MAPK8IP3: variants seen among roughly 807,000 people sequenced by gnomAD.
MAPK8IP3 encodes the protein C-Jun-amino-terminal kinase-interacting protein 3.
In MAPK8IP3, 49 loss-of-function variants were observed where a neutral mutation model predicts 157.8. The ratio of observed to expected loss-of-function variants is 0.31; its 90% CI spans 0.25 to 0.39. The LOEUF is 0.39. MAPK8IP3 is among the 10% of genes least tolerant of loss of function. MAPK8IP3 has a pLI of 1.00. For missense variants in MAPK8IP3, 1,478 were observed against 1,889.4 expected, an observed-to-expected ratio of 0.78 and a Z score of 4.04; for synonymous variants, 897 against 777.7, an observed-to-expected ratio of 1.15 and a Z score of -2.55.
chr16:1,768,290 C>T lies in MAPK8IP3; in HGVS notation c.3654C>T (p.Ser1218=). The T allele has an allele frequency of 6.2e-7, 1 of 1,611,046 alleles. No homozygotes were observed. The highest frequency in any genetic ancestry group is 8.5e-7 in the Non-Finnish European group (1 of 1,179,998). The change falls in exon 30 of 32, where the codon AGC becomes AGT. Residue 1218 remains serine (S), a synonymous_variant. Coordinates refer to ENST00000610761, the MANE Select transcript of MAPK8IP3 (RefSeq NM_001318852.2). ...ATGACAGCAGTGACAGGGCGGCCAGCAGCTTCATCCCCTACTGCTCCATGG... is the reference window on the plus strand; with the variant it reads ...ATGACAGCAGTGACAGGGCGGCCAGTAGCTTCATCCCCTACTGCTCCATGG... ...YGDDSSDRAA[S]SFIPYCSMAQ... is the part of the protein sequence containing the mutation.
At position 1,740,286 on chromosome 16, in the gene MAPK8IP3, G is replaced by A. The variant is rs544168305; in HGVS notation, c.603-3046G>A. ...TGTGTGACCGTCCGTGTGAGTGTCC[G>A]CATAACCGTGTGAGCATCCGTGTGA... On this transcript the variant is annotated intron_variant, in intron 4 of 31. Transcript: ENST00000610761. Among the ~76,000 whole-genome samples the A allele has an allele frequency of 2.2e-3, 328 of 148,352 alleles. 1 individual carries two copies. Among genetic ancestry groups the A allele is most frequent in the African/African-American group, 7.8e-3 (313 of 40,012 alleles).
chr16:1,767,359 C>T (rs773072338), intron 26 of MAPK8IP3, 62 bp downstream of exon 26: 850 of 1,601,244 alleles, frequency 5.3e-4, no homozygotes, highest in Non-Finnish European at 6.9e-4. Flanking sequence ...AGCTCTCCCG[C>T]ATCTTCCATA....
chr16:1,766,231 A>G lies in MAPK8IP3; in HGVS notation c.2641A>G (p.Thr881Ala), dbSNP rs765302473. 2.5e-6 allele frequency: 4 copies of G among 1,609,582 alleles called. No individual in the cohort carries two copies. The Admixed American group carries it at 5.0e-5, about 20-fold the overall frequency. The change falls in exon 22 of 32, where the codon ACC becomes GCC. Residue 881 changes from threonine to alanine, a missense_variant. By Grantham distance (58) the Thr-to-Ala change is moderately conservative (BLOSUM62 0). This residue lies in a region of MAPK8IP3 where 669 missense variants were observed against 759.8 expected (regional missense o/e 0.88). Transcript: ENST00000610761. ...CTCTCCTAACACAGGGGAGGTGGCC[A>G]CCATCGCCAACGGGAAGGTCAACCC... Reference protein sequence around the residue: ...VLDKGQGEVATIANGKVNPSQ... With the variant: ...VLDKGQGEVAAIANGKVNPSQ...
intron 8 of MAPK8IP3, among the ~76,000 whole-genome samples, chr16:1,755,663 A>G (rs950310492): frequency 1.3e-5 from 2 of 152,152 alleles, no homozygotes; most frequent in African/African-American, 2.4e-5. Context: ...CTTGGCCAAC[A>G]TGGTGAAACC....
intron 1 of MAPK8IP3, among the ~76,000 whole-genome samples, chr16:1,711,566 A>G (rs1056443812): frequency 4.6e-5 from 7 of 152,192 alleles, no homozygotes; most frequent in African/African-American, 1.7e-4. Context: ...CTGTTAGTGC[A>G]TGAAAATCAC....
At chr16:1,765,803 G>A (rs2042222605) in intron 20 of MAPK8IP3, among the ~76,000 whole-genome samples, 157 bp from the exon 21 acceptor site, 1 of 152,210 alleles carries the variant, frequency 6.6e-6, no homozygotes, top group Non-Finnish European at 1.5e-5. Flanking sequence ...CAGGCAGAGG[G>A]TCGTGGGTGG....
At chr16:1,745,274 G>A (rs2040895070) in intron 5 of MAPK8IP3, 1 of 712,346 alleles carries the variant, frequency 1.4e-6, no homozygotes, top group East Asian at 1.3e-4. Flanking sequence ...TTTGTCTGAT[G>A]TGCACAGCTA....
chr16:1,728,627 AC>A (rs1211015561), intron 2 of MAPK8IP3, among the ~76,000 whole-genome samples: 3 of 149,526 alleles, frequency 2.0e-5, no homozygotes, highest in African/African-American at 7.5e-5. Context: ...CACAGCACAC[AC>A]AGCAGCCCCC....
rs946554586 is a variant in MAPK8IP3, at chr16:1,706,363, G to C, written c.24G>C (p.Glu8Asp). 5 of 1,601,766 alleles carry C rather than the reference G, an allele frequency of 3.1e-6. No individual in the cohort carries two copies. Among genetic ancestry groups the C allele is most frequent in the Non-Finnish European group, 4.3e-6 (5 of 1,175,070 alleles). The change falls in exon 1 of 32, where the codon GAG (glutamate) becomes GAC (aspartate). Residue 8 changes from glutamate to aspartate, a missense_variant. Glu to Asp is a conservative substitution (Grantham distance 45). Around this residue, in one of 11 missense-constraint regions of MAPK8IP3, gnomAD observed 29 missense variants for 29.8 expected, o/e 0.97. Coordinates refer to ENST00000610761, the MANE Select transcript of MAPK8IP3 (RefSeq NM_001318852.2). The surrounding 1 kb of genome is among the most constrained non-coding windows in gnomAD (Gnocchi z 5.1). MMEIQMD[E>D]GGGVVVYQDD... ...CGATGATGGAGATCCAGATGGACGA[G>C]GGCGGCGGCGTGGTGGTGTACCAGG...
rs1443790859 is a variant in MAPK8IP3 at position 1,766,249 on chromosome 16, G to T, written c.2659G>T (p.Val887Phe). 5 of 1,611,518 alleles carry T rather than the reference G, an allele frequency of 3.1e-6. No homozygotes were observed. Among genetic ancestry groups the T allele is most frequent in the East Asian group, 4.5e-5 (2 of 44,832 alleles). Residue 887 changes from valine to phenylalanine, a missense_variant, in exon 22 of 32, where the codon GTC becomes TTC. This residue lies in a region of MAPK8IP3 where 669 missense variants were observed against 759.8 expected (regional missense o/e 0.88). Transcript: ENST00000610761. ...GEVATIANGK[V>F]NPSQSTEEAT... The stretch of plus-strand genomic sequence containing the variant: ...GGTGGCCACCATCGCCAACGGGAAG[G>T]TCAACCCGTCCCAGTCCACAGAGGA...
Position 1,724,339 on chromosome 16 carries a change from C to G in MAPK8IP3, c.319-218C>G, listed in dbSNP as rs2038727871. 6.6e-6 allele frequency among the ~76,000 whole-genome samples: 1 copy of G among 152,238 alleles called. No homozygotes were observed. Among genetic ancestry groups the G allele is most frequent in the Non-Finnish European group, 1.5e-5 (1 of 68,050 alleles). Reference sequence around the variant, plus strand: ...TGCAATCATGCAGTCCTGGAGGGCTCTCCCGCCCTGCCCTCATGGCTCCTC... The same window carrying G: ...TGCAATCATGCAGTCCTGGAGGGCTGTCCCGCCCTGCCCTCATGGCTCCTC... On this transcript the variant is annotated intron_variant, in intron 1 of 31. Coordinates refer to ENST00000610761, the MANE Select transcript of MAPK8IP3 (RefSeq NM_001318852.2). The surrounding 1 kb of genome is among the most constrained non-coding windows in gnomAD (Gnocchi z 4.1).
At chr16:1,730,640 G>C (rs747423622) in intron 4 of MAPK8IP3, among the ~76,000 whole-genome samples, 3 of 151,930 alleles carry the variant, frequency 2.0e-5, no homozygotes, top group Non-Finnish European at 4.4e-5. Flanking sequence ...TCAGGAGATC[G>C]AGACCATCCT....
intron 4 of MAPK8IP3, among the ~76,000 whole-genome samples, chr16:1,736,766 C>G (rs2039909138): frequency 4.0e-5 from 2 of 50,452 alleles, no homozygotes; most frequent in African/African-American, 9.6e-5. Flanking sequence ...ATCCGTGTGA[C>G]CGTCTGTGTG....
chr16:1,763,811 CG>C, intron 17 of MAPK8IP3, 28 bp downstream of exon 17: 1 of 692,024 alleles, frequency 1.4e-6, no homozygotes, highest in African/African-American at 2.3e-5. Context: ...GGGGACCGGG[CG>C]GGGCCCCGCA....
At chr16:1,714,513 T>G (rs1231016682) in intron 1 of MAPK8IP3, among the ~76,000 whole-genome samples, 3 of 151,692 alleles carry the variant, frequency 2.0e-5, no homozygotes, top group Non-Finnish European at 4.4e-5. Context: ...CTAGGACATT[T>G]CAATTCTTGT....
rs561876990 is a variant in MAPK8IP3, at chr16:1,726,399, G to A, written c.439+1722G>A. Among the ~76,000 whole-genome samples, 41 of 152,316 alleles carry A rather than the reference G, an allele frequency of 2.7e-4. No individual in the cohort carries two copies. The Middle Eastern group carries it at 0.02, about 76-fold the overall frequency. On this transcript the variant is annotated intron_variant, in intron 2 of 31. Transcript: ENST00000610761. ...AAGCTCAAATTACAGGCAAGGCTGG[G>A]AACAGTGGCTCACACCCATAACTTC...
intron 4 of MAPK8IP3, among the ~76,000 whole-genome samples, chr16:1,737,413 C>T (rs1241254184): frequency 5.3e-5 from 5 of 94,908 alleles, no homozygotes; most frequent in African/African-American, 1.7e-4. Flanking sequence ...TGTGACCGTC[C>T]GTGTGAGCGT....
intron 6 of MAPK8IP3, among the ~76,000 whole-genome samples, chr16:1,747,904 C>G (rs548468420): frequency 1.1e-4 from 16 of 152,270 alleles, no homozygotes; most frequent in Non-Finnish European, 2.1e-4. Flanking sequence ...CCACGGCACA[C>G]AGGCCAGTGA....
At position 1,768,576 on chromosome 16, in the gene MAPK8IP3, G is replaced by A. The variant is rs748948996; in HGVS notation, c.3842G>A (p.Arg1281Gln). ...TCGGAGGTCGAGGGCCAGAAGCTGC[G>A]GAACGTGCTGGTGCTGAGCGGCGGG... Reference protein sequence around the residue: ...PASEVEGQKLRNVLVLSGGEG... With the variant: ...PASEVEGQKLQNVLVLSGGEG... The change falls in exon 31 of 32, where the codon CGG (arginine) becomes CAG (glutamine). Residue 1281 changes from arginine (R) to glutamine (Q), a missense_variant. This residue lies in a region of MAPK8IP3 where 133 missense variants were observed against 133.4 expected (regional missense o/e 1.00). Coordinates refer to ENST00000610761, the MANE Select transcript of MAPK8IP3 (RefSeq NM_001318852.2). The A allele has an allele frequency of 4.0e-5, 63 of 1,588,272 alleles. No individual in the cohort carries two copies. In the East Asian group the frequency reaches 8.7e-4, roughly 22 times the overall value.
Sources: allele counts gnomAD v4.1 joint callset (sites outside exome capture counted in the v4.1 genomes callset), GRCh38; gene constraint gnomAD v4.1.1; regional missense constraint gnomAD v4.1.1; non-coding constraint Gnocchi (gnomAD v3.1); transcripts MANE v1.5; gene names NCBI Gene and HGNC (gene_info 2026-07-23, HGNC 2026-07-21).